Variants in SFXN3 observed in about 807,000 individuals in gnomAD.
SFXN3 encodes sideroflexin-3.
A neutral mutation model predicts 40.4 loss-of-function variants in SFXN3; 31 were observed. The observed-to-expected ratio is 0.77, with a 90% CI of 0.58 to 1.04. SFXN3 has a LOEUF of 1.04. SFXN3 is among the 50% of genes least tolerant of loss of function. The probability of loss-of-function intolerance (pLI) is 0.00; values close to 1 mark genes in which losing one functional copy is unlikely to be tolerated. For missense variants in SFXN3, 366 were observed against 408.2 expected, an observed-to-expected ratio of 0.90 and a Z score of 0.89; for synonymous variants, 157 against 160.0, an observed-to-expected ratio of 0.98 and a Z score of 0.14.
chr10:101,033,848 T>C (rs1938449660), intron 2 of SFXN3, among the ~76,000 whole-genome samples: 1 of 152,092 alleles, frequency 6.6e-6, no homozygotes. Flanking sequence ...GTACTATGCC[T>C]AGATGTGCAT....
Position 101,039,744 on chromosome 10 carries a change from TC to T in SFXN3, c.*161del. ...AACCTATTAGGGTGGGGGAGGGACC[TC>T]CATAAGGCTTTTCCTCCCTTCTCTG... On this transcript the variant is annotated 3_prime_UTR_variant, in exon 12 of 12. Coordinates refer to ENST00000393459, the Ensembl canonical transcript of SFXN3. This position sits in a 1 kb window ranked among gnomAD's most constrained non-coding sequence, Gnocchi z 4.6. The T allele has an allele frequency of 1.5e-6, 1 of 648,610 alleles. No individual in the cohort carries two copies. Among genetic ancestry groups the T allele is most frequent in the Non-Finnish European group, 2.7e-6 (1 of 368,324 alleles). The allele number at this position is 648,610 out of a possible 1,614,324, so 40.2% of individuals were successfully genotyped here. A position where few individuals can be genotyped will look rare whatever the true frequency, so the allele number is the denominator to read the frequency against.
rs1291825391 is a variant in SFXN3, at chr10:101,036,634, G to A, written c.507+73G>A. On this transcript the variant is annotated intron_variant, in intron 6 of 11. Transcript: ENST00000393459. This position sits in a 1 kb window ranked among gnomAD's most constrained non-coding sequence, Gnocchi z 4.2. Reference sequence around the variant, plus strand: ...CTCCTTCTTCCTCATCACACCTCCAGTTCTGACCTATATGCCCCCTATATC... The same window carrying A: ...CTCCTTCTTCCTCATCACACCTCCAATTCTGACCTATATGCCCCCTATATC... The A allele has an allele frequency of 1.2e-6, 2 of 1,611,582 alleles. No homozygotes were observed. Among genetic ancestry groups the A allele is most frequent in the Admixed American group, 3.3e-5 (2 of 59,790 alleles).
chr10:101,037,258 G>T (rs1439631379), intron 8 of SFXN3, 55 bp downstream of exon 8: 35 of 1,613,492 alleles, frequency 2.2e-5, no homozygotes, highest in Non-Finnish European at 3.0e-5. Context: ...AGCAGGTGCA[G>T]TTCTCAGGGA....
chr10:101,034,879 T>C (rs756601741), intron 3 of SFXN3, 24 bp downstream of exon 3: 2 of 1,602,674 alleles, frequency 1.2e-6, no homozygotes, highest in Non-Finnish European at 1.7e-6. Context: ...AATCTGACCC[T>C]GTGTGCCAGG....
Position 101,034,750 on chromosome 10 carries a change from CT to C in SFXN3, c.59del (p.Phe20SerfsTer39). On this transcript the variant is annotated frameshift_variant, in exon 3 of 12. Transcript: ENST00000393459. LOFTEE classifies it high-confidence loss of function. Reference sequence around the variant, plus strand: ...CAGGAACCTCGCTGGGACCAAAGTACTTTCCTGGGCAGAGCCCGGCACTTTT... The same window carrying C: ...CAGGAACCTCGCTGGGACCAAAGTACTTCCTGGGCAGAGCCCGGCACTTTT... 1 of 1,614,196 alleles carries C rather than the reference CT, an allele frequency of 6.2e-7. No individual in the cohort carries two copies. The highest frequency in any genetic ancestry group is 8.5e-7 in the Non-Finnish European group (1 of 1,180,032).
intron 2 of SFXN3, 95 bp from the exon 3 acceptor site, chr10:101,034,597 A>C (rs1187830097): frequency 3.7e-6 from 5 of 1,355,550 alleles, no homozygotes; most frequent in Non-Finnish European, 5.1e-6. Context: ...ACTGATGATA[A>C]GCTCAGGGGC....
At chr10:101,032,065 C>T (rs1938256710) in intron 1 of SFXN3, 1 of 200,778 alleles carries the variant, frequency 5.0e-6, no homozygotes, top group African/African-American at 2.3e-5. Flanking sequence ...TCCACACCGC[C>T]CACCTGCGCC....
chr10:101,037,734 ACC>A, intron 9 of SFXN3: 2 of 1,330,038 alleles, frequency 1.5e-6, no homozygotes, highest in Non-Finnish European at 1.9e-6. Context: ...TCATTCTTTT[ACC>A]CCCTAGTGCC....
rs775270322 is a variant in SFXN3, at chr10:101,037,069, C to A, written c.594-7C>A. 5.6e-6 allele frequency: 9 copies of A among 1,613,662 alleles called. No homozygotes were observed. Among genetic ancestry groups the A allele is most frequent in the Non-Finnish European group, 7.6e-6 (9 of 1,179,988 alleles). ...TGTGATCTGACCCCAACCCCCCTCC[C>A]TTGCAGAGAGCTGCAGGTGGGCATC... is the stretch of plus-strand genomic sequence containing the variant. On this transcript the variant is annotated splice_region_variant and splice_polypyrimidine_tract_variant and intron_variant, in intron 7 of 11. Transcript: ENST00000393459.
At position 101,036,067 on chromosome 10, in the gene SFXN3, T is replaced by C; in HGVS notation, c.397T>C (p.Ser133Pro). The C allele has an allele frequency of 6.2e-7, 1 of 1,614,048 alleles. No homozygotes were observed. Among genetic ancestry groups the C allele is most frequent in the South Asian group, 1.1e-5 (1 of 91,076 alleles). The change falls in exon 5 of 12, where the codon TCC (serine) becomes CCC (proline). Residue 133 changes from serine (S) to proline (P), a missense_variant. Transcript: ENST00000393459. This position sits in a 1 kb window ranked among gnomAD's most constrained non-coding sequence, Gnocchi z 4.2. ...GTCCTTCAATGCCATTGTTAACTAC[T>C]CCAACCGCAGTGGTGACACTCCCAT...
chr10:101,032,526 G>T (rs1294378215), intron 2 of SFXN3, 44 bp downstream of exon 2: 17 of 1,516,418 alleles, frequency 1.1e-5, no homozygotes, highest in African/African-American at 1.4e-5. Flanking sequence ...TGGAATGGGG[G>T]TCAGAGAAGG....
chr10:101,036,112 GC>G lies in SFXN3; in HGVS notation c.431+16del. On this transcript the variant is annotated intron_variant, in intron 5 of 11. Coordinates refer to ENST00000393459, the Ensembl canonical transcript of SFXN3. This position sits in a 1 kb window ranked among gnomAD's most constrained non-coding sequence, Gnocchi z 4.2. The stretch of plus-strand genomic sequence containing the variant: ...TCCCATCACTGTGAGGTGAGAGCCA[GC>G]CCCCAGCAGCAGCTGCACTGTCCCA... 6.2e-7 allele frequency: 1 copy of G among 1,605,038 alleles called. No individual in the cohort carries two copies.
chr10:101,034,708 C>T (rs750295664), exon 3 of SFXN3: 17 of 1,614,048 alleles, frequency 1.1e-5, no homozygotes, highest in Non-Finnish European at 1.4e-5. Flanking sequence ...GGTGAATTGC[C>T]TTTAGACATC....
intron 4 of SFXN3, 158 bp from the exon 5 acceptor site, chr10:101,035,845 A>T: frequency 9.0e-7 from 1 of 1,113,314 alleles, no homozygotes; most frequent in South Asian, 1.4e-5. Flanking sequence ...TGTTTGTATA[A>T]ATGGGGGTGG....
At chr10:101,037,272 T>G (rs1938664143) in intron 8 of SFXN3, 69 bp downstream of exon 8, 1 of 1,613,636 alleles carries the variant, frequency 6.2e-7, no homozygotes, top group Non-Finnish European at 8.5e-7. Flanking sequence ...TCAGGGACTT[T>G]GGAGGACTCT....
intron 9 of SFXN3, 80 bp downstream of exon 9, chr10:101,037,511 C>G (rs1396191944): frequency 6.2e-7 from 1 of 1,612,720 alleles, no homozygotes; most frequent in African/African-American, 1.3e-5. Context: ...TCTCCAGCCT[C>G]GCCTGATTCT....
At chr10:101,034,808 G>C in exon 3 of SFXN3, 15 of 1,614,204 alleles carry the variant, frequency 9.3e-6, no homozygotes, top group Non-Finnish European at 1.3e-5. Context: ...ATCTGCTGCT[G>C]TCCGGGGCAC....
intron 2 of SFXN3, among the ~76,000 whole-genome samples, chr10:101,034,405 G>A (rs542030395): frequency 7.5e-4 from 114 of 152,300 alleles, no homozygotes; most frequent in African/African-American, 2.7e-3. Context: ...TTGGGTCAAA[G>A]TGCTGGGGCA....
intron 2 of SFXN3, among the ~76,000 whole-genome samples, chr10:101,033,625 T>C (rs1417069376): frequency 1.3e-5 from 2 of 152,080 alleles, no homozygotes; most frequent in Admixed American, 6.5e-5. Flanking sequence ...AGACAAAGTA[T>C]AGAGAAACAA....
Sources: gnomAD v4.1 joint callset for allele counts (sites outside exome capture counted in the v4.1 genomes callset) on GRCh38, gnomAD v4.1.1 for gene constraint, Gnocchi (gnomAD v3.1) non-coding constraint, MANE v1.5 for transcripts, NCBI Gene and HGNC (gene_info 2026-07-23, HGNC 2026-07-21) for gene names.